Variants in SYT15B observed in about 807,000 individuals in gnomAD.
The protein encoded by SYT15B is synaptotagmin 15B, also known as synaptotagmin-15.
chr10:47,748,599 C>A, the SYT15B span, among the ~76,000 whole-genome samples: 1 of 152,180 alleles, frequency 6.6e-6, no homozygotes, highest in Non-Finnish European at 1.5e-5. Flanking sequence ...GGACACATTT[C>A]TTCTTTTCTT....
the SYT15B span, chr10:47,753,186 T>C: frequency 7.4e-6 from 7 of 946,386 alleles, 1 homozygote; most frequent in South Asian, 2.5e-4. Flanking sequence ...CTGTTCTAGT[T>C]ACACAAAACA....
the SYT15B span, among the ~76,000 whole-genome samples, chr10:47,756,648 A>G: frequency 0.019 from 2,758 of 147,540 alleles, no homozygotes; most frequent in African/African-American, 0.035. Flanking sequence ...GCTTACGGTG[A>G]CCCCAGATGT....
chr10:47,762,295 C>A, the SYT15B span, among the ~76,000 whole-genome samples: 2 of 151,488 alleles, frequency 1.3e-5, no homozygotes, highest in South Asian at 2.1e-4. Flanking sequence ...TAGGAGGCTT[C>A]GCCCCGGGGG....
the SYT15B span, among the ~76,000 whole-genome samples, chr10:47,755,709 AC>A: frequency 2.1e-5 from 3 of 139,838 alleles, no homozygotes; most frequent in African/African-American, 8.1e-5. Context: ...TGAGCGTTTC[AC>A]CATGTTGGCC....
chr10:47,762,118 C>G, the SYT15B span, among the ~76,000 whole-genome samples: 7 of 142,006 alleles, frequency 4.9e-5, no homozygotes, highest in East Asian at 1.6e-3. Flanking sequence ...GGCCCTGGAA[C>G]CTGCTGCAAG....
chr10:47,762,222 G>C, the SYT15B span, among the ~76,000 whole-genome samples: 1 of 151,996 alleles, frequency 6.6e-6, no homozygotes, highest in Admixed American at 6.6e-5. Flanking sequence ...TGGACGAGGT[G>C]GGGAGGAAGA....
At chr10:47,762,131 T>C in the SYT15B span, among the ~76,000 whole-genome samples, 1 of 144,826 alleles carries the variant, frequency 6.9e-6, no homozygotes, top group South Asian at 2.2e-4. Flanking sequence ...GCTGCAAGGC[T>C]GGACTCTTCT....
the SYT15B span, among the ~76,000 whole-genome samples, chr10:47,747,180 G>A: frequency 1.3e-5 from 2 of 151,750 alleles, no homozygotes; most frequent in East Asian, 1.9e-4. Flanking sequence ...TTGGGCAGAC[G>A]GCCATAGCTA....
chr10:47,748,835 AAG>A, the SYT15B span, among the ~76,000 whole-genome samples: 1 of 148,718 alleles, frequency 6.7e-6, no homozygotes, highest in East Asian at 2.0e-4. Flanking sequence ...TGGAAGTGAG[AAG>A]ATAATGGAGT....
chr10:47,749,145 G>C, the SYT15B span, among the ~76,000 whole-genome samples: 1 of 87,002 alleles, frequency 1.1e-5, no homozygotes, highest in East Asian at 3.3e-4. Flanking sequence ...GAGGTGGGAG[G>C]ACTGCTTGAA....
At chr10:47,748,419 G>T in the SYT15B span, among the ~76,000 whole-genome samples, 4 of 151,586 alleles carry the variant, frequency 2.6e-5, no homozygotes, top group East Asian at 1.9e-4. Flanking sequence ...CACCATGTTG[G>T]CCAGGTTGGT....
the SYT15B span, among the ~76,000 whole-genome samples, chr10:47,745,607 T>C: frequency 8.9e-6 from 1 of 112,910 alleles, no homozygotes; most frequent in African/African-American, 2.9e-5. Context: ...TCATGGAATG[T>C]CAGTTTGGCA....
the SYT15B span, among the ~76,000 whole-genome samples, chr10:47,745,074 C>T: frequency 6.6e-6 from 1 of 151,360 alleles, no homozygotes; most frequent in Non-Finnish European, 1.5e-5. Flanking sequence ...CCATTTTTCA[C>T]TTTCACTCTT....
chr10:47,756,500 C>CGCAA, the SYT15B span, among the ~76,000 whole-genome samples: 1 of 141,424 alleles, frequency 7.1e-6, no homozygotes, highest in East Asian at 2.3e-4. Flanking sequence ...AGCCTAGCAC[C>CGCAA]GCAAGCCTGT....
chr10:47,755,667 C>A, the SYT15B span, among the ~76,000 whole-genome samples: 1 of 146,128 alleles, frequency 6.8e-6, no homozygotes. Flanking sequence ...TGTGCCACCA[C>A]GCCCAGCTAA....
At chr10:47,747,084 A>T in the SYT15B span, among the ~76,000 whole-genome samples, 1 of 142,288 alleles carries the variant, frequency 7.0e-6, no homozygotes, top group African/African-American at 2.6e-5. Flanking sequence ...TCTCAAAAGA[A>T]GAAAAACACA....
At chr10:47,745,460 C>T in the SYT15B span, among the ~76,000 whole-genome samples, 2 of 145,428 alleles carry the variant, frequency 1.4e-5, no homozygotes, top group Non-Finnish European at 1.5e-5. Context: ...AAAAAATCAT[C>T]GTTTTCTTCC....
the SYT15B span, among the ~76,000 whole-genome samples, chr10:47,755,260 C>CTTT: frequency 7.1e-6 from 1 of 140,188 alleles, no homozygotes. Flanking sequence ...CAGCCAACCT[C>CTTT]TTTTTTTTTT....
chr10:47,762,300 C>T, the SYT15B span, among the ~76,000 whole-genome samples: 1 of 151,314 alleles, frequency 6.6e-6, no homozygotes, highest in Non-Finnish European at 1.5e-5. Flanking sequence ...GGCTTCGCCC[C>T]GGGGGTGCTC....
Sources: gnomAD v4.1 joint callset for allele counts (sites outside exome capture counted in the v4.1 genomes callset) on GRCh38, gnomAD v4.1.1 for gene constraint, MANE v1.5 for transcripts, NCBI Gene and HGNC (gene_info 2026-07-23, HGNC 2026-07-21) for gene names.